CLASP1: variants seen among roughly 807,000 people sequenced by gnomAD.
CLASP1 encodes the protein CLIP-associating protein 1.
In CLASP1, 38 loss-of-function variants were observed where a neutral mutation model predicts 192.3. That is an observed-to-expected ratio of 0.20 (90% CI 0.15 to 0.26). The LOEUF is 0.26. Ranked by LOEUF, CLASP1 falls within the 10% of genes least tolerant of loss-of-function variation. The pLI is 1.00. For missense variants in CLASP1, 1,433 were observed against 1,932.5 expected (o/e 0.74, Z 4.85); for synonymous variants, 691 against 712.8 (o/e 0.97, Z 0.49).
Position 121,350,237 on chromosome 2 carries a change from C to T in CLASP1, c.4207-1519G>A, listed in dbSNP as rs566116268. The stretch of plus-strand genomic sequence containing the variant: ...TCATACAACAAAAAGGTGAAGACTA[C>T]CAGCCCACAGCTTCAGTCATCCCAG... On this transcript the variant is annotated intron_variant, in intron 37 of 39. Coordinates refer to ENST00000263710, the Ensembl canonical transcript of CLASP1. 2.6e-5 allele frequency among the ~76,000 whole-genome samples: 4 copies of T among 152,342 alleles called. No individual in the cohort carries two copies. The South Asian group carries it at 8.3e-4, about 32-fold the overall frequency.
intron 2 of CLASP1, among the ~76,000 whole-genome samples, chr2:121,539,902 TGA>T (rs1271903761): frequency 1.3e-5 from 2 of 152,286 alleles, no homozygotes; most frequent in African/African-American, 2.4e-5. Context: ...GCAAATTAAA[TGA>T]GACACTACCG....
At chr2:121,576,347 T>C (rs576193956) in intron 2 of CLASP1, among the ~76,000 whole-genome samples, 12 of 152,218 alleles carry the variant, frequency 7.9e-5, no homozygotes, top group Non-Finnish European at 1.8e-4. Context: ...AGATCTAGGT[T>C]ATGGGATTTC....
At chr2:121,527,544 T>C (rs989234313) in intron 5 of CLASP1, among the ~76,000 whole-genome samples, 1 of 152,156 alleles carries the variant, frequency 6.6e-6, no homozygotes, top group Non-Finnish European at 1.5e-5. Context: ...TGCAGTTGTA[T>C]ATACACACAA....
At chr2:121,483,463 T>C (rs1446443400) in intron 8 of CLASP1, among the ~76,000 whole-genome samples, 1 of 152,054 alleles carries the variant, frequency 6.6e-6, no homozygotes, top group Non-Finnish European at 1.5e-5. Context: ...AATATGTGTG[T>C]GTGTGTGTAT....
At chr2:121,458,954 C>T in exon 13 of CLASP1, 1 of 1,609,788 alleles carries the variant, frequency 6.2e-7, no homozygotes, top group Non-Finnish European at 8.5e-7. Flanking sequence ...CAAACTTATT[C>T]CCCAGAACTG....
chr2:121,518,034 A>T (rs1420150197), intron 6 of CLASP1, among the ~76,000 whole-genome samples: 3 of 151,106 alleles, frequency 2.0e-5, no homozygotes, highest in African/African-American at 7.3e-5. Context: ...GTTCGAGACC[A>T]GCCTGGCAAA....
At chr2:121,351,658 C>T (rs2064447048) in intron 37 of CLASP1, among the ~76,000 whole-genome samples, 1 of 152,150 alleles carries the variant, frequency 6.6e-6, no homozygotes, top group African/African-American at 2.4e-5. Context: ...CACCACGTAG[C>T]CGGCACCCTG....
chr2:121,545,786 T>C (rs1028602864), intron 2 of CLASP1, among the ~76,000 whole-genome samples: 2 of 151,922 alleles, frequency 1.3e-5, no homozygotes, highest in African/African-American at 2.4e-5. Context: ...ACCAAAGAAA[T>C]AGCTGGTGAC....
rs764209694 is a variant in CLASP1 at position 121,387,916 on chromosome 2, G to C, written c.3124-10C>G. The C allele has an allele frequency of 5.0e-6, 8 of 1,598,608 alleles. No homozygotes were observed. Among genetic ancestry groups the C allele is most frequent in the African/African-American group, 1.3e-5 (1 of 74,532 alleles). ...GCACAATCTGTGCTGCCTAGAAAAA[G>C]GAACCATGATTAATTTATGTAATGT... On this transcript the variant is annotated splice_polypyrimidine_tract_variant and intron_variant, in intron 30 of 39. Transcript: ENST00000263710.
At chr2:121,547,281 G>A (rs527926162) in intron 2 of CLASP1, among the ~76,000 whole-genome samples, 24 of 152,240 alleles carry the variant, frequency 1.6e-4, no homozygotes, top group Admixed American at 1.0e-3. Context: ...CTGCCGCTGC[G>A]GTGGAACTGC....
intron 5 of CLASP1, among the ~76,000 whole-genome samples, chr2:121,527,521 C>T (rs1447045351): frequency 6.6e-6 from 1 of 152,102 alleles, no homozygotes; most frequent in Admixed American, 6.6e-5. Context: ...ATGAAGGAGC[C>T]CGGCAGTGAC....
At position 121,382,207 on chromosome 2, in the gene CLASP1, C is replaced by T. The variant is rs371206475; in HGVS notation, c.3491+1G>A. 5.0e-6 allele frequency: 8 copies of T among 1,602,226 alleles called. No individual in the cohort carries two copies. The highest frequency in any genetic ancestry group is 6.8e-6 in the Non-Finnish European group (8 of 1,173,592). On this transcript the variant is annotated splice_donor_variant, in intron 33 of 39. Coordinates refer to ENST00000263710, the Ensembl canonical transcript of CLASP1. LOFTEE classifies it high-confidence loss of function. ...GACAAGTTTGACAGGTAGCTTGTTACCTGGGAGAGTAAGAGCGCCTGAGAG... is the reference window on the plus strand; with the variant it reads ...GACAAGTTTGACAGGTAGCTTGTTATCTGGGAGAGTAAGAGCGCCTGAGAG...
chr2:121,583,141 G>A (rs2061388715), intron 2 of CLASP1, among the ~76,000 whole-genome samples: 1 of 152,078 alleles, frequency 6.6e-6, no homozygotes, highest in Admixed American at 6.5e-5. Context: ...GTTACTATAA[G>A]GGACCGTTGT....
chr2:121,415,896 G>T (rs977527614), intron 23 of CLASP1, among the ~76,000 whole-genome samples: 4 of 152,072 alleles, frequency 2.6e-5, no homozygotes, highest in African/African-American at 7.2e-5. Context: ...AAATAGCAAA[G>T]ATTACCTGGC....
intron 2 of CLASP1, among the ~76,000 whole-genome samples, chr2:121,567,237 C>A (rs1429441165): frequency 6.6e-6 from 1 of 152,168 alleles, no homozygotes; most frequent in South Asian, 2.1e-4. Flanking sequence ...AGTCGAGCAC[C>A]GCTGTGGGCC....
At chr2:121,615,932 A>G (rs1440905460) in intron 1 of CLASP1, among the ~76,000 whole-genome samples, 2 of 152,226 alleles carry the variant, frequency 1.3e-5, no homozygotes, top group Non-Finnish European at 1.5e-5. Context: ...TCTTTTCACT[A>G]TACTACAGCT....
At chr2:121,557,368 A>G (rs952220213) in intron 2 of CLASP1, among the ~76,000 whole-genome samples, 1 of 151,836 alleles carries the variant, frequency 6.6e-6, no homozygotes, top group Non-Finnish European at 1.5e-5. Flanking sequence ...GACGGATCAC[A>G]AGGTCAGGAG....
At chr2:121,359,136 T>C (rs2065900639) in intron 37 of CLASP1, among the ~76,000 whole-genome samples, 1 of 152,278 alleles carries the variant, frequency 6.6e-6, no homozygotes, top group Admixed American at 6.5e-5. Flanking sequence ...TAAGTGTGCA[T>C]ACAATGATTT....
At position 121,488,474 on chromosome 2, in the gene CLASP1, T is replaced by G. The variant is rs930372899; in HGVS notation, c.712+14693A>C. 2.0e-5 allele frequency among the ~76,000 whole-genome samples: 3 copies of G among 152,226 alleles called. No homozygotes were observed. In the East Asian group the frequency reaches 5.8e-4, roughly 29 times the overall value. On this transcript the variant is annotated intron_variant, in intron 8 of 39. Coordinates refer to ENST00000263710, the Ensembl canonical transcript of CLASP1. ...CAAACTGCCCATGCAGAGGTGGCAC[T>G]CATACCCAGTCTGAGGGATTCCAGA... is the stretch of plus-strand genomic sequence containing the variant.
Sources: allele counts gnomAD v4.1 joint callset (sites outside exome capture counted in the v4.1 genomes callset), GRCh38; gene constraint gnomAD v4.1.1; transcripts MANE v1.5; gene names NCBI Gene and HGNC (gene_info 2026-07-23, HGNC 2026-07-21).